The following CDC42BPA variants were observed in gnomAD, a reference collection of about 807,000 sequenced individuals.
CDC42BPA encodes the protein CDC42 binding protein kinase alpha, also known as serine/threonine-protein kinase MRCK alpha.
Under a neutral mutation model 223.5 loss-of-function variants are expected in CDC42BPA, and 80 were observed. The observed-to-expected ratio is 0.36, with a 90% CI of 0.30 to 0.43. The LOEUF is 0.43. Among genes scored for constraint, CDC42BPA ranks in the 20% least tolerant of loss-of-function variants. CDC42BPA has a pLI of 1.00. For missense variants in CDC42BPA, 1,743 were observed against 2,099.9 expected, an observed-to-expected ratio of 0.83 and a Z score of 3.32; for synonymous variants, 694 against 718.6, an observed-to-expected ratio of 0.97 and a Z score of 0.55.
At chr1:227,040,018 A>G (rs369410516) in intron 24 of CDC42BPA, 113 bp downstream of exon 24, 27 of 726,510 alleles carry the variant, frequency 3.7e-5, no homozygotes, top group Admixed American at 3.0e-4. Context: ...CCTGTTATGC[A>G]AAAAAGCAAA....
At chr1:227,255,803 A>T (rs2670467) in intron 1 of CDC42BPA, among the ~76,000 whole-genome samples, 2 of 152,056 alleles carry the variant, frequency 1.3e-5, no homozygotes, top group South Asian at 2.1e-4. Context: ...AAATTAAAGA[A>T]GACTTAAATA....
intron 21 of CDC42BPA, chr1:227,059,375 G>A (rs754671536): frequency 2.7e-5 from 42 of 1,562,488 alleles, no homozygotes; most frequent in South Asian, 1.2e-4. Flanking sequence ...TCTCTTACAC[G>A]TCTGCCTTTG....
At chr1:227,253,607 A>T (rs75318616) in intron 2 of CDC42BPA, among the ~76,000 whole-genome samples, 2 of 116,466 alleles carry the variant, frequency 1.7e-5, no homozygotes, top group African/African-American at 6.7e-5. Context: ...AAAATAAATA[A>T]ATACATACAT....
At chr1:227,256,616 A>G (rs1683066522) in intron 1 of CDC42BPA, among the ~76,000 whole-genome samples, 1 of 152,124 alleles carries the variant, frequency 6.6e-6, no homozygotes, top group African/African-American at 2.4e-5. Flanking sequence ...CAATAGCTGA[A>G]TTTTTTAAAT....
chr1:227,266,355 T>A (rs1320829136), intron 1 of CDC42BPA, among the ~76,000 whole-genome samples: 1 of 152,186 alleles, frequency 6.6e-6, no homozygotes, highest in African/African-American at 2.4e-5. Flanking sequence ...TACGCTCTTT[T>A]AGGAGCTGTC....
intron 35 of CDC42BPA, among the ~76,000 whole-genome samples, chr1:227,001,774 G>A (rs1027915635): frequency 2.0e-5 from 3 of 152,092 alleles, no homozygotes; most frequent in Non-Finnish European, 4.4e-5. Context: ...GGGTGTGATG[G>A]CACCCACCTG....
At position 227,198,438 on chromosome 1, in the gene CDC42BPA, C is replaced by CAAAAAAA. The variant is rs1176604134; in HGVS notation, c.450+1112_450+1118dup. 1.8e-3 allele frequency among the ~76,000 whole-genome samples: 91 copies of CAAAAAAA among 51,452 alleles called. 1 individual carries two copies. Among genetic ancestry groups the CAAAAAAA allele is most frequent in the Non-Finnish European group, 2.4e-3 (62 of 25,748 alleles). The allele number at this position is 51,452 out of a possible 152,430, so 33.8% of individuals were successfully genotyped here. Reference sequence around the variant, plus strand: ...GGGCAACAGAGCAAGATCCAGCAAACAAAAAAAAAAAAAAGAAAAGAAAGA... The same window carrying CAAAAAAA: ...GGGCAACAGAGCAAGATCCAGCAAACAAAAAAAAAAAAAAAAAAAAAGAAAAGAAAGA... On this transcript the variant is annotated intron_variant, in intron 4 of 36. Coordinates refer to ENST00000366766, the MANE Select transcript of CDC42BPA (RefSeq NM_001394014.1).
intron 29 of CDC42BPA, 28 bp from the exon 30 acceptor site, chr1:227,029,278 A>C: frequency 7.2e-7 from 1 of 1,391,744 alleles, no homozygotes. Flanking sequence ...AATAAATCAA[A>C]ATATAGTTTT....
chr1:227,051,595 T>A (rs1453427934), intron 22 of CDC42BPA, among the ~76,000 whole-genome samples: 2 of 152,206 alleles, frequency 1.3e-5, no homozygotes, highest in African/African-American at 2.4e-5. Flanking sequence ...GAGTTTCTAA[T>A]AATTCAAAAA....
chr1:227,181,745 T>G (rs1245371086), intron 5 of CDC42BPA, among the ~76,000 whole-genome samples: 2 of 152,196 alleles, frequency 1.3e-5, no homozygotes, highest in Non-Finnish European at 2.9e-5. Context: ...ACGTTCATGA[T>G]AAATGAATGA....
chr1:227,126,501 AAGGAAGGAAGGAAGG>A (rs1158815345), intron 11 of CDC42BPA, among the ~76,000 whole-genome samples: 3 of 102,720 alleles, frequency 2.9e-5, no homozygotes, highest in Admixed American at 1.0e-4. Flanking sequence ...GGAAGGAAGG[AAGGAAGGAAGGAAGG>A]AAGGTAAGAA....
chr1:227,072,460 T>G (rs1444462916), intron 19 of CDC42BPA, among the ~76,000 whole-genome samples, 161 bp from the exon 20 acceptor site: 1 of 151,982 alleles, frequency 6.6e-6, no homozygotes, highest in African/African-American at 2.4e-5. Flanking sequence ...CTACCTACTT[T>G]CATGTAGATT....
At chr1:226,995,547 A>G (rs1037046836) in intron 35 of CDC42BPA, among the ~76,000 whole-genome samples, 18 of 152,246 alleles carry the variant, frequency 1.2e-4, no homozygotes, top group Non-Finnish European at 2.6e-4. Context: ...CTTATCTTCT[A>G]GAAAATTTTC....
chr1:227,035,499 A>G lies in CDC42BPA; in HGVS notation c.3308T>C (p.Ile1103Thr), dbSNP rs200344808. ...GACATGACCTTCATATGCTGTTCCT[A>G]TTCCTTTCTGAGGATCTATACCCAG... ...GPLGIDPQKG[I>T]GTAYEGHVRI... Residue 1103 changes from isoleucine to threonine, a missense_variant, in exon 25 of 37, where the codon ATA (isoleucine) becomes ACA (threonine). Ile to Thr is a moderately conservative substitution (Grantham distance 89, BLOSUM62 -1). Transcript: ENST00000366766. 1.4e-5 allele frequency: 22 copies of G among 1,611,022 alleles called. No individual in the cohort carries two copies. The highest frequency in any genetic ancestry group is 1.7e-5 in the Non-Finnish European group (20 of 1,179,038).
At chr1:227,126,281 T>C (rs1332657117) in intron 11 of CDC42BPA, among the ~76,000 whole-genome samples, 1 of 152,138 alleles carries the variant, frequency 6.6e-6, no homozygotes, top group Non-Finnish European at 1.5e-5. Context: ...CTAAAAACTC[T>C]TAAATGTTCA....
intron 10 of CDC42BPA, among the ~76,000 whole-genome samples, chr1:227,135,225 A>T (rs1658241329): frequency 6.6e-6 from 1 of 152,220 alleles, no homozygotes; most frequent in Non-Finnish European, 1.5e-5. Context: ...CAAAGTCCCT[A>T]AGCATATGGT....
chr1:227,264,544 T>C (rs959910985), intron 1 of CDC42BPA, among the ~76,000 whole-genome samples: 1 of 146,188 alleles, frequency 6.8e-6, no homozygotes, highest in Admixed American at 6.7e-5. Flanking sequence ...ACATACATTT[T>C]AGGAGAGTTA....
Position 227,041,614 on chromosome 1 carries a change from A to T in CDC42BPA, c.3094-1378T>A, listed in dbSNP as rs200553447. 3.5e-4 allele frequency among the ~76,000 whole-genome samples: 53 copies of T among 152,288 alleles called. No individual in the cohort carries two copies. The East Asian group carries it at 5.0e-3, about 14-fold the overall frequency. ...TGATTTGTACACTACAAAAGAAATT[A>T]AAAAAATAGAAGTAGATTATCTTTT... On this transcript the variant is annotated intron_variant, in intron 23 of 36. Coordinates refer to ENST00000366766, the MANE Select transcript of CDC42BPA (RefSeq NM_001394014.1).
intron 35 of CDC42BPA, among the ~76,000 whole-genome samples, chr1:226,999,186 T>A (rs1662267302): frequency 6.6e-6 from 1 of 151,498 alleles, no homozygotes; most frequent in South Asian, 2.1e-4. Flanking sequence ...ACACTTTTTT[T>A]TTTTTTTTGA....
Sources: allele counts gnomAD v4.1 joint callset (sites outside exome capture counted in the v4.1 genomes callset), GRCh38; gene constraint gnomAD v4.1.1; transcripts MANE v1.5; gene names NCBI Gene and HGNC (gene_info 2026-07-23, HGNC 2026-07-21).